The following NRXN3 variants were observed in gnomAD, a reference collection of about 807,000 sequenced individuals.
The protein encoded by NRXN3 is neurexin III.
NRXN3 carries 32 observed loss-of-function variants against 137.6 expected under a neutral mutation model. The observed-to-expected ratio is 0.23, with a 90% CI of 0.18 to 0.31. The LOEUF (loss-of-function observed/expected upper bound fraction) is 0.31. Ranked by LOEUF, NRXN3 falls within the 10% of genes least tolerant of loss-of-function variation. NRXN3 has a pLI of 1.00. For missense variants in NRXN3, 1,574 were observed against 2,062.5 expected (o/e 0.76, Z 4.59); for synonymous variants, 798 against 784.5 (o/e 1.02, Z -0.29).
chr14:78,677,475 G>A (rs1314072105), intron 6 of NRXN3, among the ~76,000 whole-genome samples: 1 of 151,986 alleles, frequency 6.6e-6, no homozygotes. Context: ...CTAAATTGAT[G>A]CAATCTCATG....
intron 4 of NRXN3, among the ~76,000 whole-genome samples, chr14:78,624,806 C>CCTTT (rs2097439348): frequency 1.4e-5 from 2 of 143,028 alleles, no homozygotes; most frequent in African/African-American, 5.2e-5. Context: ...ACTTCCTGTT[C>CCTTT]CTTTGTGTGT....
chr14:79,307,255 T>C (rs17109060), intron 15 of NRXN3, among the ~76,000 whole-genome samples: 1,935 of 152,232 alleles, frequency 0.013, 42 homozygotes, highest in African/African-American at 0.044. Context: ...ATCAATAAAT[T>C]GACAGAGCTG....
At chr14:78,728,429 A>G (rs79656910) in intron 8 of NRXN3, among the ~76,000 whole-genome samples, 2,961 of 152,276 alleles carry the variant, frequency 0.019, 81 homozygotes, top group African/African-American at 0.068. Flanking sequence ...GAACTACTAA[A>G]AGGGCAACCT....
intron 15 of NRXN3, among the ~76,000 whole-genome samples, chr14:79,008,895 G>T (rs963063247): frequency 6.6e-6 from 1 of 152,024 alleles, no homozygotes; most frequent in African/African-American, 2.4e-5. Flanking sequence ...CTGACCTCAT[G>T]ATCCACCCGC....
intron 8 of NRXN3, among the ~76,000 whole-genome samples, chr14:78,731,271 T>A (rs937015809): frequency 2.0e-5 from 3 of 152,140 alleles, no homozygotes; most frequent in African/African-American, 7.2e-5. Flanking sequence ...TTTATCACTG[T>A]TGAAAAGAAG....
chr14:78,753,027 A>C (rs2098650412), intron 8 of NRXN3, among the ~76,000 whole-genome samples: 1 of 152,240 alleles, frequency 6.6e-6, no homozygotes, highest in African/African-American at 2.4e-5. Context: ...ACAGCATTCC[A>C]CCGACTCTGC....
At chr14:78,471,845 C>G (rs1268753004) in intron 4 of NRXN3, among the ~76,000 whole-genome samples, 1 of 152,080 alleles carries the variant, frequency 6.6e-6, no homozygotes. Context: ...GGGCTTAGGC[C>G]CCTCAAATAC....
At chr14:78,376,023 C>CAT (rs1268619168) in intron 4 of NRXN3, among the ~76,000 whole-genome samples, 1 of 151,620 alleles carries the variant, frequency 6.6e-6, no homozygotes, top group East Asian at 1.9e-4. Flanking sequence ...CACACACATA[C>CAT]ACACACACAC....
intron 4 of NRXN3, among the ~76,000 whole-genome samples, chr14:78,493,523 C>CAAAT (rs144261455): frequency 0.14 from 19,042 of 139,072 alleles, 1,315 homozygotes; most frequent in Middle Eastern, 0.17. Flanking sequence ...AACTCCATCT[C>CAAAT]AAATAAATAA....
chr14:78,656,846 G>A (rs749719524), intron 6 of NRXN3, among the ~76,000 whole-genome samples: 18 of 151,914 alleles, frequency 1.2e-4, no homozygotes, highest in South Asian at 8.3e-4. Flanking sequence ...GATTGATACC[G>A]TCCTGGCTGA....
intron 4 of NRXN3, among the ~76,000 whole-genome samples, chr14:78,466,515 T>A (rs1467952099): frequency 6.6e-6 from 1 of 152,010 alleles, no homozygotes; most frequent in Admixed American, 6.6e-5. Context: ...TGGACTAGAG[T>A]GTGGGCTAAA....
chr14:79,512,073 A>AT (rs1179867403), intron 16 of NRXN3, among the ~76,000 whole-genome samples: 2 of 152,008 alleles, frequency 1.3e-5, no homozygotes, highest in African/African-American at 4.8e-5. Context: ...CTAATTTTGT[A>AT]TTTTTAGTAG....
chr14:79,509,995 G>T lies in NRXN3; in HGVS notation c.3444+42593G>T, dbSNP rs547144218. Among the ~76,000 whole-genome samples, 11 of 150,234 alleles carry T rather than the reference G, an allele frequency of 7.3e-5. No individual in the cohort carries two copies. In the South Asian group the frequency reaches 2.3e-3, roughly 32 times the overall value. ...TAGATCTCAACCCGCCTGTCACTGA[G>T]TATGCAGTGCTCACAGATGTGGGGA... On this transcript the variant is annotated intron_variant, in intron 16 of 20. Coordinates refer to ENST00000335750, the MANE Select transcript of NRXN3 (RefSeq NM_001330195.2).
chr14:78,754,635 G>A (rs2098659242), intron 8 of NRXN3, among the ~76,000 whole-genome samples: 1 of 152,156 alleles, frequency 6.6e-6, no homozygotes, highest in Non-Finnish European at 1.5e-5. Context: ...GTAGTGCAGT[G>A]GTTTTCAAAG....
At chr14:79,562,340 A>G (rs1336853033) in intron 16 of NRXN3, among the ~76,000 whole-genome samples, 1 of 152,178 alleles carries the variant, frequency 6.6e-6, no homozygotes, top group Non-Finnish European at 1.5e-5. Context: ...ATGCATGAAT[A>G]GTGTCTTCCC....
Position 78,748,129 on chromosome 14 carries a change from C to T in NRXN3, c.2044+32990C>T, listed in dbSNP as rs74743512. ...TAAATATTTACTGAGTATCTACTCTCTGCTGGGTATTGTGCTAGGTTCAGG... is the reference window on the plus strand; with the variant it reads ...TAAATATTTACTGAGTATCTACTCTTTGCTGGGTATTGTGCTAGGTTCAGG... On this transcript the variant is annotated intron_variant, in intron 8 of 20. Transcript: ENST00000335750. Among the ~76,000 whole-genome samples the T allele has an allele frequency of 2.1e-3, 320 of 152,146 alleles. 2 individuals carry two copies. Among genetic ancestry groups the T allele is most frequent in the African/African-American group, 6.8e-3 (283 of 41,524 alleles).
At chr14:78,926,861 A>AATATATATATAATATATAATATATTTAT (rs2099301696) in intron 10 of NRXN3, among the ~76,000 whole-genome samples, 21 of 20,178 alleles carry the variant, frequency 1.0e-3, no homozygotes, top group Non-Finnish European at 1.3e-3. Context: ...TTATATATAT[A>AATATATATATAATATATAATATATTTAT]ATATATATAT....
At chr14:79,854,182 C>A in intron 20 of NRXN3, 1 of 980,402 alleles carries the variant, frequency 1.0e-6, no homozygotes, top group South Asian at 4.7e-5. Context: ...GTAAATTTTT[C>A]TTTCATGCCA....
chr14:79,665,939 T>C (rs554115181), intron 17 of NRXN3, among the ~76,000 whole-genome samples: 78 of 152,264 alleles, frequency 5.1e-4, no homozygotes, highest in African/African-American at 1.9e-3. Context: ...GTGTTATTAT[T>C]TCAGGACAGG....
Sources: allele counts gnomAD v4.1 joint callset (sites outside exome capture counted in the v4.1 genomes callset), GRCh38; gene constraint gnomAD v4.1.1; transcripts MANE v1.5; gene names NCBI Gene and HGNC (gene_info 2026-07-23, HGNC 2026-07-21).